FAT4: variants seen among roughly 807,000 people sequenced by gnomAD.
FAT4 encodes FAT atypical cadherin 4, also known as protocadherin Fat 4.
FAT4 carries 84 observed loss-of-function variants against 303.9 expected under a neutral mutation model. The observed-to-expected ratio is 0.28, with a 90% CI of 0.23 to 0.33. The LOEUF (loss-of-function observed/expected upper bound fraction) is 0.33. FAT4 is among the 10% of genes least tolerant of loss of function. The probability of loss-of-function intolerance (pLI) is 1.00; values close to 1 mark genes in which losing one functional copy is unlikely to be tolerated. For synonymous variants in FAT4, 2,307 were observed against 2,298.8 expected (o/e 1.00, Z -0.10); for missense variants, 6,005 against 6,146.8 (o/e 0.98, Z 0.77).
intron 2 of FAT4, among the ~76,000 whole-genome samples, chr4:125,387,102 C>T (rs1044974474): frequency 2.0e-5 from 3 of 152,182 alleles, no homozygotes; most frequent in East Asian, 1.9e-4. Context: ...CTCACTTGCC[C>T]GCCCCTCACC....
chr4:125,395,557 G>A (rs1734138133), intron 2 of FAT4, among the ~76,000 whole-genome samples: 1 of 152,144 alleles, frequency 6.6e-6, no homozygotes, highest in African/African-American at 2.4e-5. Flanking sequence ...GACCTCAGGT[G>A]ATTCCCCTGC....
At chr4:125,465,615 A>C (rs953622899) in intron 11 of FAT4, among the ~76,000 whole-genome samples, 8 of 152,180 alleles carry the variant, frequency 5.3e-5, no homozygotes, top group African/African-American at 1.9e-4. Context: ...GTAGTGGTAC[A>C]ACTGTCGTTG....
chr4:125,351,791 CT>C (rs1732235368), intron 2 of FAT4, among the ~76,000 whole-genome samples: 1 of 151,578 alleles, frequency 6.6e-6, no homozygotes, highest in South Asian at 2.1e-4. Context: ...AGTGATTAAA[CT>C]TTTGTATTAA....
chr4:125,438,550 T>A (rs975383274), intron 8 of FAT4, among the ~76,000 whole-genome samples: 2 of 152,132 alleles, frequency 1.3e-5, no homozygotes, highest in African/African-American at 4.8e-5. Flanking sequence ...TCAGTGAAAA[T>A]CTTAAAATGA....
At chr4:125,389,358 T>C (rs928171571) in intron 2 of FAT4, among the ~76,000 whole-genome samples, 1 of 152,160 alleles carries the variant, frequency 6.6e-6, no homozygotes, top group Non-Finnish European at 1.5e-5. Context: ...TGTACTAAAG[T>C]GTTTCCTGTG....
At chr4:125,484,559 A>G (rs181323617) in intron 16 of FAT4, among the ~76,000 whole-genome samples, 20 of 152,278 alleles carry the variant, frequency 1.3e-4, no homozygotes, top group Middle Eastern at 6.8e-3. Context: ...GAACAAATAA[A>G]TGCAGTCATG....
At chr4:125,444,895 G>A (rs531210046) in intron 8 of FAT4, among the ~76,000 whole-genome samples, 1 of 152,054 alleles carries the variant, frequency 6.6e-6, no homozygotes, top group African/African-American at 2.4e-5. Context: ...TTTGTAAAAC[G>A]TTAAGGTATT....
At chr4:125,423,402 C>T (rs543400154) in intron 7 of FAT4, among the ~76,000 whole-genome samples, 1 of 152,186 alleles carries the variant, frequency 6.6e-6, no homozygotes, top group South Asian at 2.1e-4. Context: ...TAAAAGGGGC[C>T]AAGGTTCAGC....
rs779875614 is a variant in FAT4, at chr4:125,316,520, C to G, written c.109C>G (p.Gln37Glu). ...VFWLLSLLPG[Q>E]AWVHGAEPRQ... ...TTGGCTACTGTCATTGCTTCCGGGGCAGGCCTGGGTCCACGGGGCCGAGCC... is the reference window on the plus strand; with the variant it reads ...TTGGCTACTGTCATTGCTTCCGGGGGAGGCCTGGGTCCACGGGGCCGAGCC... Residue 37 changes from glutamine to glutamate, a missense_variant, in exon 2 of 18, where the codon CAG becomes GAG. Gln to Glu is a conservative substitution (Grantham distance 29). Transcript: ENST00000394329. The surrounding 1 kb of genome is among the most constrained non-coding windows in gnomAD (Gnocchi z 5.7). 1.9e-6 allele frequency: 3 copies of G among 1,613,976 alleles called. No individual in the cohort carries two copies. Among genetic ancestry groups the G allele is most frequent in the Non-Finnish European group, 2.5e-6 (3 of 1,180,036 alleles).
chr4:125,382,944 A>C (rs1011414405), intron 2 of FAT4, among the ~76,000 whole-genome samples: 2 of 152,174 alleles, frequency 1.3e-5, no homozygotes, highest in Admixed American at 6.5e-5. Flanking sequence ...CTAGCTTCCA[A>C]CTTTTCTTCT....
chr4:125,318,364 G>A lies in FAT4; in HGVS notation c.1953G>A (p.Glu651=), dbSNP rs919169060. The A allele has an allele frequency of 5.0e-6, 8 of 1,614,214 alleles. No individual in the cohort carries two copies. Among genetic ancestry groups the A allele is most frequent in the Non-Finnish European group, 5.9e-6 (7 of 1,180,046 alleles). ...CTATTTCCTCCTTGGACAGAGAAGA[G>A]CAAGCCTTCTACTCCCTGTTGGTTC... ...LSTISSLDRE[E]QAFYSLLVLA... The change falls in exon 2 of 18, where the codon GAG becomes GAA. Residue 651 remains glutamate, a synonymous_variant. Coordinates refer to ENST00000394329, the MANE Select transcript of FAT4 (RefSeq NM_001291303.3).
chr4:125,406,909 C>A lies in FAT4; in HGVS notation c.5337C>A (p.Ile1779=), dbSNP rs1734634850. Residue 1779 remains isoleucine, a synonymous_variant, in exon 4 of 18, where the codon ATC becomes ATA. Coordinates refer to ENST00000394329, the MANE Select transcript of FAT4 (RefSeq NM_001291303.3). The part of the protein sequence containing the change: ...EGANALVTYT[I]ISGADDSFRI... ...CAAATGCTCTCGTCACATACACTAT[C>A]ATTAGTGGAGCTGATGATAGTTTTC... 13 of 1,613,670 alleles carry A rather than the reference C, an allele frequency of 8.1e-6. 1 individual carries two copies. Among genetic ancestry groups the A allele is most frequent in the Middle Eastern group, 1.6e-4 (1 of 6,072 alleles).
At chr4:125,353,161 A>T (rs1283878749) in intron 2 of FAT4, among the ~76,000 whole-genome samples, 2 of 151,734 alleles carry the variant, frequency 1.3e-5, no homozygotes, top group African/African-American at 4.8e-5. Flanking sequence ...TTCAAGAAAT[A>T]CTCAGTTCTA....
rs1394259115 is a variant in FAT4, at chr4:125,415,629, C to T, written c.6666C>T (p.Thr2222=). The T allele has an allele frequency of 3.7e-6, 6 of 1,613,856 alleles. No homozygotes were observed. In the African/African-American group the frequency reaches 6.7e-5, roughly 18 times the overall value. ...TVAKPLDREK[T]PTYHLTVQAT... Reference sequence around the variant, plus strand: ...CTAAACCTTTGGATAGAGAAAAGACCCCTACCTACCATTTAACTGTTCAGG... The same window carrying T: ...CTAAACCTTTGGATAGAGAAAAGACTCCTACCTACCATTTAACTGTTCAGG... The change falls in exon 6 of 18, where the codon ACC becomes ACT. Residue 2222 remains threonine (T), a synonymous_variant. Coordinates refer to ENST00000394329, the MANE Select transcript of FAT4 (RefSeq NM_001291303.3).
chr4:125,362,940 A>G (rs1196669584), intron 2 of FAT4: 1 of 152,060 alleles, frequency 6.6e-6, no homozygotes, highest in Non-Finnish European at 1.5e-5. Flanking sequence ...AATAAAACAA[A>G]CACCAAAACC....
intron 16 of FAT4, among the ~76,000 whole-genome samples, chr4:125,482,089 G>A (rs2126087702): frequency 6.6e-6 from 1 of 152,186 alleles, no homozygotes; most frequent in South Asian, 2.1e-4. Context: ...ATGTTTGTTT[G>A]AAATACAAAA....
At chr4:125,339,485 C>T (rs1031085325) in intron 2 of FAT4, among the ~76,000 whole-genome samples, 3 of 152,162 alleles carry the variant, frequency 2.0e-5, no homozygotes, top group Non-Finnish European at 2.9e-5. Context: ...AGTGAACCAC[C>T]GCACCCAGCC....
chr4:125,431,134 A>C (rs887824912), intron 7 of FAT4, among the ~76,000 whole-genome samples: 39 of 152,342 alleles, frequency 2.6e-4, no homozygotes, highest in South Asian at 2.1e-4. Flanking sequence ...GTCATAATTT[A>C]ATGTGGTTTT....
Position 125,490,936 on chromosome 4 carries a change from C to A in FAT4, c.14120C>A (p.Pro4707His), listed in dbSNP as rs1434339492. 2 of 1,614,102 alleles carry A rather than the reference C, an allele frequency of 1.2e-6. No individual in the cohort carries two copies. The highest frequency in any genetic ancestry group is 2.7e-5 in the African/African-American group (2 of 74,938). ...PNPLSRHSPA[P>H]FSKSSTFYRN... ...CCTCTGTCTCGACACAGTCCAGCCCCTTTCTCCAAATCTTCTACGTTCTAT... is the reference window on the plus strand; with the variant it reads ...CCTCTGTCTCGACACAGTCCAGCCCATTTCTCCAAATCTTCTACGTTCTAT... The change falls in exon 18 of 18, where the codon CCT becomes CAT. Residue 4707 changes from proline to histidine, a missense_variant. Pro to His is a moderately conservative substitution (Grantham distance 77). Coordinates refer to ENST00000394329, the MANE Select transcript of FAT4 (RefSeq NM_001291303.3).
Sources: gnomAD v4.1 joint callset for allele counts (sites outside exome capture counted in the v4.1 genomes callset) on GRCh38, gnomAD v4.1.1 for gene constraint, Gnocchi (gnomAD v3.1) non-coding constraint, MANE v1.5 for transcripts, NCBI Gene and HGNC (gene_info 2026-07-23, HGNC 2026-07-21) for gene names.